Variants in PPARGC1B observed in about 807,000 individuals in gnomAD.
PPARGC1B encodes peroxisome proliferator-activated receptor gamma coactivator 1-beta.
A neutral mutation model predicts 101.6 loss-of-function variants in PPARGC1B; 34 were observed. The ratio of observed to expected loss-of-function variants is 0.33; its 90% CI spans 0.25 to 0.45. PPARGC1B has a LOEUF of 0.45. Among genes scored for constraint, PPARGC1B ranks in the 20% least tolerant of loss-of-function variants. The pLI, the probability that PPARGC1B is intolerant of heterozygous loss-of-function variation, is 1.00. For missense variants in PPARGC1B, 1,234 were observed against 1,317.6 expected (o/e 0.94, Z 0.98); for synonymous variants, 548 against 539.3 (o/e 1.02, Z -0.22).
chr5:149,855,376 T>G (rs17110624), downstream of PPARGC1B, among the ~76,000 whole-genome samples: 1 of 152,332 alleles, frequency 6.6e-6, no homozygotes, highest in Middle Eastern at 3.4e-3. Flanking sequence ...AGCTGTTCCA[T>G]GAACGACTTT....
chr5:149,831,128 G>C (rs1348206424), intron 4 of PPARGC1B, among the ~76,000 whole-genome samples: 1 of 152,196 alleles, frequency 6.6e-6, no homozygotes, highest in Non-Finnish European at 1.5e-5. Flanking sequence ...ATGCAGCTTA[G>C]AGCAAGGATG....
At position 149,833,379 on chromosome 5, in the gene PPARGC1B, GAAGAGGAGGAGGAAGAGGAAGAAGAAA is replaced by G; in HGVS notation, c.1320_1346del (p.Glu442_Glu450del). On this transcript the variant is annotated inframe_deletion, in exon 5 of 12. Transcript: ENST00000309241. The surrounding 1 kb of genome is among the most constrained non-coding windows in gnomAD (Gnocchi z 4.1). ...GCAGCAGGAGGAGGAAGACGAGGAAGAAGAGGAGGAGGAAGAGGAAGAAGAAAAAGAGGAGGAGGAGGAGTGGGGCAG... is the reference window on the plus strand; with the variant it reads ...GCAGCAGGAGGAGGAAGACGAGGAAGAAGAGGAGGAGGAGGAGTGGGGCAG... The G allele has an allele frequency of 6.2e-7, 1 of 1,613,356 alleles. No individual in the cohort carries two copies. The highest frequency in any genetic ancestry group is 2.2e-5 in the East Asian group (1 of 44,874).
At chr5:149,761,146 A>T (rs1755702769) in intron 1 of PPARGC1B, among the ~76,000 whole-genome samples, 1 of 152,192 alleles carries the variant, frequency 6.6e-6, no homozygotes, top group African/African-American at 2.4e-5. Flanking sequence ...TTTAACGTAC[A>T]TAATGTGATG....
intron 1 of PPARGC1B, among the ~76,000 whole-genome samples, chr5:149,792,331 T>C (rs2113261119): frequency 6.6e-6 from 1 of 152,246 alleles, no homozygotes; most frequent in African/African-American, 2.4e-5. Flanking sequence ...ATTTTCCTCC[T>C]TGGGGCCTCT....
At chr5:149,840,224 C>T in intron 9 of PPARGC1B, 108 bp downstream of exon 9, 1 of 976,406 alleles carries the variant, frequency 1.0e-6, no homozygotes. Flanking sequence ...GCCCCTCAGT[C>T]TTCGGCCTCT....
At chr5:149,826,606 G>T in intron 2 of PPARGC1B, 67 bp from the exon 3 acceptor site, 1 of 1,260,964 alleles carries the variant, frequency 7.9e-7, no homozygotes, top group South Asian at 1.3e-5. Flanking sequence ...CGTGGAGACT[G>T]AGTCTAAGGT....
chr5:149,738,213 A>T (rs1036049409), intron 1 of PPARGC1B, among the ~76,000 whole-genome samples: 1 of 152,136 alleles, frequency 6.6e-6, no homozygotes, highest in Non-Finnish European at 1.5e-5. Context: ...TAATGAATAG[A>T]TCAGTGCCTG....
intron 1 of PPARGC1B, among the ~76,000 whole-genome samples, chr5:149,737,196 G>A (rs1270840370): frequency 6.6e-6 from 1 of 151,874 alleles, no homozygotes; most frequent in Non-Finnish European, 1.5e-5. Flanking sequence ...TTTTTCACTT[G>A]CTGATAGGAA....
At chr5:149,748,325 CTA>C (rs138420687) in intron 1 of PPARGC1B, among the ~76,000 whole-genome samples, 4 of 73,728 alleles carry the variant, frequency 5.4e-5, no homozygotes, top group African/African-American at 1.9e-4. Flanking sequence ...ATAGATATAT[CTA>C]TATATATATA....
chr5:149,809,336 A>AGATC (rs1554078990), intron 1 of PPARGC1B, among the ~76,000 whole-genome samples: 3 of 111,214 alleles, frequency 2.7e-5, no homozygotes, highest in South Asian at 3.6e-4. Context: ...ATAGATAGAT[A>AGATC]GATCCATCTC....
In PPARGC1B at chr5:149,826,822, A is replaced by G. The variant is rs775492420; in HGVS notation, c.402A>G (p.Ala134=). The change falls in exon 3 of 12, where the codon GCA becomes GCG. Residue 134 remains alanine (A), a synonymous_variant. Transcript: ENST00000309241. ...CTSASPAPSS[A]PPSPAPEKPS... ...CAGCTTCGCCTGCCCCCTCATCTGC[A>G]CCCCCCAGCCCTGCCCCGGAGAAGC... 10 of 1,613,286 alleles carry G rather than the reference A, an allele frequency of 6.2e-6. No homozygotes were observed. The South Asian group carries it at 1.1e-4, about 18-fold the overall frequency.
At chr5:149,799,702 T>TTG (rs1436217403) in intron 1 of PPARGC1B, among the ~76,000 whole-genome samples, 1 of 130,442 alleles carries the variant, frequency 7.7e-6, no homozygotes, top group East Asian at 2.2e-4. Flanking sequence ...TGTTTTTTTT[T>TTG]TTTTTTTTTT....
chr5:149,732,042 G>A (rs1457463814), intron 1 of PPARGC1B, among the ~76,000 whole-genome samples: 1 of 83,856 alleles, frequency 1.2e-5, no homozygotes, highest in African/African-American at 4.8e-5. Context: ...GGTTGCGCGC[G>A]CGGGTGTGTG....
chr5:149,742,044 T>C (rs1216882445), intron 1 of PPARGC1B, among the ~76,000 whole-genome samples: 1 of 152,170 alleles, frequency 6.6e-6, no homozygotes, highest in Non-Finnish European at 1.5e-5. Context: ...GTGGTGGTGA[T>C]AACAGTCAAC....
At chr5:149,839,832 T>C (rs1211067194) in intron 8 of PPARGC1B, among the ~76,000 whole-genome samples, 1 of 152,174 alleles carries the variant, frequency 6.6e-6, no homozygotes, top group Non-Finnish European at 1.5e-5. Flanking sequence ...AAGCTGGCAG[T>C]AGGCATGTGT....
chr5:149,755,052 C>CATAT (rs1199839991), intron 1 of PPARGC1B, among the ~76,000 whole-genome samples: 5,258 of 108,808 alleles, frequency 0.048, 126 homozygotes, highest in South Asian at 0.1. Context: ...TATACATATA[C>CATAT]ATATATATAT....
intron 1 of PPARGC1B, among the ~76,000 whole-genome samples, chr5:149,781,236 A>G (rs1158442637): frequency 6.6e-6 from 1 of 151,572 alleles, no homozygotes; most frequent in Admixed American, 6.6e-5. Context: ...AGCTTTCTGA[A>G]TGAAAGATGG....
At chr5:149,828,397 A>G (rs563060971) in intron 3 of PPARGC1B, among the ~76,000 whole-genome samples, 1 of 152,366 alleles carries the variant, frequency 6.6e-6, no homozygotes, top group Admixed American at 6.5e-5. Flanking sequence ...AGAGGGGTTA[A>G]TAATAGTGCC....
chr5:149,749,395 T>A (rs1289476354), intron 1 of PPARGC1B, among the ~76,000 whole-genome samples: 2 of 152,214 alleles, frequency 1.3e-5, no homozygotes, highest in African/African-American at 4.8e-5. Context: ...TGGACGGGAA[T>A]GTGAGACTTG....
Sources: allele counts gnomAD v4.1 joint callset (sites outside exome capture counted in the v4.1 genomes callset), GRCh38; gene constraint gnomAD v4.1.1; non-coding constraint Gnocchi (gnomAD v3.1); transcripts MANE v1.5; gene names NCBI Gene and HGNC (gene_info 2026-07-23, HGNC 2026-07-21).